Variants in UGT2B7 observed in about 807,000 individuals in gnomAD.
UGT2B7 encodes the protein UDP glucuronosyltransferase family 2 member B7.
Under a neutral mutation model 51.9 loss-of-function variants are expected in UGT2B7, and 51 were observed. That is an observed-to-expected ratio of 0.98 (90% CI 0.78 to 1.24). UGT2B7 has a LOEUF of 1.24. UGT2B7 is among the 50% of genes most tolerant of loss of function. UGT2B7 has a pLI of 0.00. For missense variants in UGT2B7, 727 were observed against 628.4 expected (o/e 1.16, Z -1.68); for synonymous variants, 225 against 211.6 (o/e 1.06, Z -0.55).
chr4:69,056,799 T>C (rs1718213734), intron 1 of UGT2B7, among the ~76,000 whole-genome samples: 1 of 151,814 alleles, frequency 6.6e-6, no homozygotes, highest in African/African-American at 2.4e-5. Context: ...AAGACATAAG[T>C]AACAAAAATA....
Position 69,112,859 on chromosome 4 carries a change from AT to A in UGT2B7, c.*124del, listed in dbSNP as rs1307056317. On this transcript the variant is annotated 3_prime_UTR_variant, in exon 6 of 6. Coordinates refer to ENST00000305231, the MANE Select transcript of UGT2B7 (RefSeq NM_001074.4). ...GACAAAAAAAAAAAAAGAAAAAAAAATCTTTTCAAAATTTACTTTGTCAAAT... is the reference window on the plus strand; with the variant it reads ...GACAAAAAAAAAAAAAGAAAAAAAAACTTTTCAAAATTTACTTTGTCAAAT... 13 of 1,352,554 alleles carry A rather than the reference AT, an allele frequency of 9.6e-6. No individual in the cohort carries two copies. Among genetic ancestry groups the A allele is most frequent in the South Asian group, 1.7e-5 (1 of 58,134 alleles). The allele number at this position is 1,352,554 out of a possible 1,614,324, so 83.8% of individuals were successfully genotyped here. A position where few individuals can be genotyped will look rare whatever the true frequency, so the allele number is the denominator to read the frequency against.
chr4:69,059,927 T>C (rs1332795254), intron 1 of UGT2B7, among the ~76,000 whole-genome samples: 1 of 152,232 alleles, frequency 6.6e-6, no homozygotes, highest in African/African-American at 2.4e-5. Context: ...ATTTAAAGGA[T>C]ACATTTTTCC....
At chr4:69,085,503 A>G (rs1184647427) in intron 1 of UGT2B7, among the ~76,000 whole-genome samples, 1 of 151,910 alleles carries the variant, frequency 6.6e-6, no homozygotes, top group Non-Finnish European at 1.5e-5. Flanking sequence ...CTTTGTTGCA[A>G]TTGCTTTTGG....
chr4:69,052,555 G>T (rs72851338), intron 1 of UGT2B7, among the ~76,000 whole-genome samples: 58,144 of 93,804 alleles, frequency 0.62, 14,561 homozygotes, highest in African/African-American at 0.73. Context: ...TAAAAAAAAA[G>T]AAATGGTTAT....
intron 1 of UGT2B7, among the ~76,000 whole-genome samples, chr4:69,074,144 A>C (rs7654272): frequency 0.43 from 65,074 of 151,786 alleles, 15,504 homozygotes; most frequent in African/African-American, 0.64. Flanking sequence ...AGTTTGAGAT[A>C]AGCCTGGATA....
intron 1 of UGT2B7, among the ~76,000 whole-genome samples, chr4:69,079,661 A>G (rs1303750809): frequency 1.3e-5 from 2 of 152,122 alleles, no homozygotes; most frequent in African/African-American, 4.8e-5. Context: ...GTAAACCACC[A>G]TATTTTCTAG....
In UGT2B7 at chr4:69,060,945, G is replaced by A. The variant is rs1178984267; in HGVS notation, c.-159+9343G>A. 1.3e-4 allele frequency among the ~76,000 whole-genome samples: 20 copies of A among 152,200 alleles called. 1 individual carries two copies. Among genetic ancestry groups the A allele is most frequent in the Admixed American group, 1.2e-3 (19 of 15,286 alleles). ...CAGGAAGCCCCCTTCATTGCTGAGT[G>A]GATGTGGTAGATGAAGTGTTCTCAA... On this transcript the variant is annotated intron_variant, in intron 1 of 5. Coordinates refer to the UGT2B7 transcript ENST00000502942.
intron 1 of UGT2B7, among the ~76,000 whole-genome samples, chr4:69,055,887 A>T (rs1306865305): frequency 6.6e-6 from 1 of 152,252 alleles, no homozygotes; most frequent in African/African-American, 2.4e-5. Flanking sequence ...GCTCTATAAT[A>T]GTACCACAAA....
intron 5 of UGT2B7, among the ~76,000 whole-genome samples, chr4:69,109,098 C>A (rs1553914280): frequency 6.7e-6 from 1 of 150,130 alleles, no homozygotes; most frequent in Non-Finnish European, 1.5e-5. Context: ...TACTTCATTT[C>A]TTTTTATAGC....
At chr4:69,102,032 T>C (rs1719433842) in intron 2 of UGT2B7, among the ~76,000 whole-genome samples, 1 of 152,146 alleles carries the variant, frequency 6.6e-6, no homozygotes, top group Non-Finnish European at 1.5e-5. Context: ...GAAAAGTTAT[T>C]CCACCTAAAG....
rs1309390145 is a variant in UGT2B7, at chr4:69,098,467, C to A, written c.722-73C>A. 25 of 1,556,438 alleles carry A rather than the reference C, an allele frequency of 1.6e-5. 1 individual carries two copies. In the South Asian group the frequency reaches 2.6e-4, roughly 16 times the overall value. ...TGCCTACATTTTTGCCTACATTATT[C>A]TAACCCCTTTCAGAAATTTACCTAA... On this transcript the variant is annotated intron_variant, in intron 1 of 5. Coordinates refer to ENST00000305231, the MANE Select transcript of UGT2B7 (RefSeq NM_001074.4).
chr4:69,107,147 G>A (rs1191632348), intron 3 of UGT2B7, 28 bp from the exon 4 acceptor site: 4 of 1,596,654 alleles, frequency 2.5e-6, no homozygotes, highest in Non-Finnish European at 2.6e-6. Flanking sequence ...TCCACTCATG[G>A]AATAAAATAT....
At chr4:69,054,719 C>G (rs1482514681) in intron 1 of UGT2B7, among the ~76,000 whole-genome samples, 1 of 151,998 alleles carries the variant, frequency 6.6e-6, no homozygotes, top group Non-Finnish European at 1.5e-5. Context: ...CTGAAGAAGA[C>G]TACAAGCCCT....
At chr4:69,061,769 C>T (rs1218073726) in intron 1 of UGT2B7, among the ~76,000 whole-genome samples, 2 of 152,166 alleles carry the variant, frequency 1.3e-5, no homozygotes, top group Non-Finnish European at 2.9e-5. Context: ...AAAACAACCC[C>T]TGAAAAGGGC....
upstream of UGT2B7, among the ~76,000 whole-genome samples, chr4:69,094,780 C>A (rs1719176845): frequency 1.3e-5 from 2 of 152,226 alleles, no homozygotes; most frequent in Non-Finnish European, 2.9e-5. Flanking sequence ...TGTCAGATAG[C>A]ATTTTACCCA....
chr4:69,063,275 T>C (rs1037733585), intron 1 of UGT2B7, among the ~76,000 whole-genome samples: 5 of 131,838 alleles, frequency 3.8e-5, no homozygotes. Context: ...GCCGAGATCG[T>C]GCCACTGTAC....
At chr4:69,096,403 T>C, upstream of UGT2B7, 6 of 1,490,260 alleles carry the variant, frequency 4.0e-6, 2 homozygotes, top group Middle Eastern at 1.8e-4. Flanking sequence ...TGATATTGTA[T>C]GTACTTTGAC....
intron 1 of UGT2B7, chr4:69,067,374 T>C (rs987121640): frequency 1.9e-5 from 3 of 155,676 alleles, no homozygotes; most frequent in African/African-American, 7.2e-5. Context: ...TTACAATGCA[T>C]AATTTTTCAA....
intron 1 of UGT2B7, among the ~76,000 whole-genome samples, chr4:69,053,705 C>T (rs1718103324): frequency 1.3e-5 from 2 of 152,176 alleles, no homozygotes; most frequent in African/African-American, 4.8e-5. Context: ...AGGGAGGAGA[C>T]AGCATTCCTT....
Sources: allele counts gnomAD v4.1 joint callset (sites outside exome capture counted in the v4.1 genomes callset), GRCh38; gene constraint gnomAD v4.1.1; transcripts MANE v1.5; gene names NCBI Gene and HGNC (gene_info 2026-07-23, HGNC 2026-07-21).